The following RYR3 variants were observed in gnomAD, a reference collection of about 807,000 sequenced individuals.
RYR3 encodes ryanodine receptor 3, also known as brain ryanodine receptor-calcium release channel.
A neutral mutation model predicts 584.3 loss-of-function variants in RYR3; 207 were observed. The observed-to-expected ratio is 0.35, with a 90% CI of 0.32 to 0.40. The LOEUF (loss-of-function observed/expected upper bound fraction) is 0.40. Among genes scored for constraint, RYR3 ranks in the 10% least tolerant of loss-of-function variants. RYR3 has a pLI of 1.00. For synonymous variants in RYR3, 2,416 were observed against 2,248.5 expected (o/e 1.07, Z -2.11); for missense variants, 5,616 against 6,089.2 (o/e 0.92, Z 2.59).
intron 80 of RYR3, among the ~76,000 whole-genome samples, chr15:33,822,017 C>CCATTCATTCATT (rs58113782): frequency 0.4 from 59,831 of 151,414 alleles, 11,930 homozygotes; most frequent in South Asian, 0.53. Context: ...GTTCGTTCAT[C>CCATTCATTCATT]CATTCATTCA....
chr15:33,534,714 G>A (rs2055179323), intron 5 of RYR3, among the ~76,000 whole-genome samples: 1 of 152,226 alleles, frequency 6.6e-6, no homozygotes, highest in South Asian at 2.1e-4. Flanking sequence ...CAACAGAGCA[G>A]TGGGTAGGAG....
rs185845904 is a variant in RYR3, at chr15:33,635,964, T to G, written c.3381+145T>G. 85 of 691,788 alleles carry G rather than the reference T, an allele frequency of 1.2e-4. No individual in the cohort carries two copies. In the Middle Eastern group the frequency reaches 3.6e-3, roughly 29 times the overall value. The allele number at this position is 691,788 out of a possible 1,614,324, so 42.9% of individuals were successfully genotyped here. A position where few individuals can be genotyped will look rare whatever the true frequency, so the allele number is the denominator to read the frequency against. On this transcript the variant is annotated intron_variant, in intron 26 of 103. Transcript: ENST00000634891. ...CTAATGTAGACATTGAATGGGCATC[T>G]CCTAGTGACTGTTTCTTTGCTCTTC...
chr15:33,752,048 G>A (rs148151983), intron 57 of RYR3, among the ~76,000 whole-genome samples: 1,530 of 152,148 alleles, frequency 0.01, 14 homozygotes, highest in Non-Finnish European at 0.015. Flanking sequence ...GTAGATATGC[G>A]GCGTTATTTC....
intron 74 of RYR3, chr15:33,815,520 C>A: frequency 4.8e-6 from 1 of 207,820 alleles, no homozygotes; most frequent in Non-Finnish European, 9.5e-6. Flanking sequence ...CATATCTGGG[C>A]TGCACCTTCA....
rs370295916 is a variant in RYR3, at chr15:33,461,187, G to T, written c.52-12232G>T. ...TCTTGATCTCCTGACCTCGTGACCC[G>T]CCCGCCTCGGCCTCCCAAAGTGCTG... On this transcript the variant is annotated intron_variant, in intron 1 of 103. Transcript: ENST00000634891. Among the ~76,000 whole-genome samples the T allele has an allele frequency of 1.1e-4, 17 of 151,824 alleles. No homozygotes were observed. In the South Asian group the frequency reaches 3.5e-3, roughly 32 times the overall value.
chr15:33,819,551 G>A (rs2076994978), intron 76 of RYR3, among the ~76,000 whole-genome samples: 1 of 152,010 alleles, frequency 6.6e-6, no homozygotes, highest in African/African-American at 2.4e-5. Context: ...GCAGGCACCT[G>A]TAATCCCAGC....
At chr15:33,832,166 C>T (rs2077718365) in intron 86 of RYR3, among the ~76,000 whole-genome samples, 1 of 151,824 alleles carries the variant, frequency 6.6e-6, no homozygotes, top group Middle Eastern at 3.4e-3. Context: ...TGGTGTCGTG[C>T]GCGTGTAGTA....
intron 1 of RYR3, among the ~76,000 whole-genome samples, chr15:33,332,698 C>T (rs897407704): frequency 6.6e-6 from 1 of 151,704 alleles, no homozygotes; most frequent in Admixed American, 6.6e-5. Flanking sequence ...TTCTAAATGA[C>T]CCACATAACT....
In RYR3 at chr15:33,772,156, T is replaced by C; in HGVS notation, c.9053T>C (p.Leu3018Pro). ...CAGCATCAGTTTGGAATGGATCTAC[T>C]CTGTGAGTTCTACTGGTATTTGTCG... Reference protein sequence around the residue: ...VTQHQFGMDLLLGDVQISCYH... With the variant: ...VTQHQFGMDLPLGDVQISCYH... The change falls in exon 63 of 104, where the codon CTC becomes CCC. Residue 3018 changes from leucine (L) to proline (P), a missense_variant and splice_region_variant. By Grantham distance (98) the Leu-to-Pro change is moderately conservative (BLOSUM62 -3). Around this residue, in one of 9 missense-constraint regions of RYR3, gnomAD observed 954 missense variants for 1,132.2 expected, o/e 0.84. Coordinates refer to ENST00000634891, the MANE Select transcript of RYR3 (RefSeq NM_001036.6). 1 of 1,594,452 alleles carries C rather than the reference T, an allele frequency of 6.3e-7. No individual in the cohort carries two copies. Among genetic ancestry groups the C allele is most frequent in the Non-Finnish European group, 8.6e-7 (1 of 1,163,198 alleles).
chr15:33,646,290 A>T, intron 28 of RYR3, 61 bp from the exon 29 acceptor site: 2 of 1,431,342 alleles, frequency 1.4e-6, no homozygotes, highest in Non-Finnish European at 1.9e-6. Flanking sequence ...CGAGGGAAAA[A>T]GGGACTGGGT....
intron 2 of RYR3, among the ~76,000 whole-genome samples, chr15:33,493,604 C>A (rs111672589): frequency 6.6e-6 from 1 of 152,166 alleles, no homozygotes; most frequent in Non-Finnish European, 1.5e-5. Flanking sequence ...AACTTTTCAC[C>A]TATTGGCACC....
rs2076655574 is a variant in RYR3 at position 33,813,511 on chromosome 15, GT to G, written c.10436del (p.Leu3479TyrfsTer39). The G allele has an allele frequency of 6.2e-7, 1 of 1,613,836 alleles. No homozygotes were observed. The highest frequency in any genetic ancestry group is 2.2e-5 in the East Asian group (1 of 44,898). On this transcript the variant is annotated frameshift_variant, in exon 74 of 104. Coordinates refer to ENST00000634891, the MANE Select transcript of RYR3 (RefSeq NM_001036.6). LOFTEE classifies it high-confidence loss of function. ...RSKKAVWHKL[L>X]SKQRKRAVVA... ...CCAAGAAGGCCGTCTGGCACAAACT[GT>G]TATCAAAGCAACGGAAACGGGCAGT...
intron 60 of RYR3, among the ~76,000 whole-genome samples, chr15:33,763,892 CAAA>C (rs796878162): frequency 2.0e-3 from 91 of 45,856 alleles, no homozygotes; most frequent in Non-Finnish European, 3.0e-3. Context: ...GACTTCATCT[CAAA>C]AAAAAAAAAA....
At chr15:33,548,047 A>G in intron 8 of RYR3, 83 bp from the exon 9 acceptor site, 1 of 936,978 alleles carries the variant, frequency 1.1e-6, no homozygotes, top group Non-Finnish European at 1.7e-6. Context: ...CAGTACCTGA[A>G]CAGCCTCTGC....
chr15:33,792,120 A>G (rs1315498946), intron 67 of RYR3, among the ~76,000 whole-genome samples: 1 of 152,184 alleles, frequency 6.6e-6, no homozygotes, highest in African/African-American at 2.4e-5. Context: ...GACTGGTGAC[A>G]TGTTGAGAAT....
intron 47 of RYR3, among the ~76,000 whole-genome samples, chr15:33,730,906 T>G (rs151279410): frequency 6.6e-6 from 1 of 152,242 alleles, no homozygotes; most frequent in Admixed American, 6.5e-5. Flanking sequence ...AATGTCAGTA[T>G]TGATTGTGAA....
chr15:33,546,851 C>G (rs1156747520), intron 8 of RYR3, among the ~76,000 whole-genome samples: 38 of 152,170 alleles, frequency 2.5e-4, no homozygotes, highest in Non-Finnish European at 5.9e-5. Flanking sequence ...TATTGACTAA[C>G]TCTTGTCTCT....
intron 39 of RYR3, among the ~76,000 whole-genome samples, chr15:33,696,908 T>C (rs188758232): frequency 2.0e-5 from 3 of 152,328 alleles, no homozygotes; most frequent in Admixed American, 2.0e-4. Context: ...GAGTCGTTTT[T>C]GTTAGTTCAT....
At chr15:33,738,649 T>A in intron 50 of RYR3, 59 bp downstream of exon 50, 2 of 1,589,222 alleles carry the variant, frequency 1.3e-6, no homozygotes, top group South Asian at 2.2e-5. Flanking sequence ...CATCTACAGA[T>A]AATAACAGCC....
Sources: gnomAD v4.1 joint callset for allele counts (sites outside exome capture counted in the v4.1 genomes callset) on GRCh38, gnomAD v4.1.1 for gene constraint, gnomAD v4.1.1 regional missense constraint, MANE v1.5 for transcripts, NCBI Gene and HGNC (gene_info 2026-07-23, HGNC 2026-07-21) for gene names.